Variants in GCKR observed in about 807,000 individuals in gnomAD.
The protein encoded by GCKR is glucokinase regulator.
A neutral mutation model predicts 82.9 loss-of-function variants in GCKR; 73 were observed. The ratio of observed to expected loss-of-function variants is 0.88; its 90% CI spans 0.73 to 1.07. The LOEUF is 1.07. GCKR is among the 50% of genes least tolerant of loss of function. The pLI, the probability that GCKR is intolerant of heterozygous loss-of-function variation, is 0.00. For missense variants in GCKR, 784 were observed against 782.1 expected (o/e 1.00, Z -0.03); for synonymous variants, 294 against 291.8 (o/e 1.01, Z -0.08).
At chr2:27,500,509 C>A (rs928820258) in intron 7 of GCKR, among the ~76,000 whole-genome samples, 2 of 152,188 alleles carry the variant, frequency 1.3e-5, no homozygotes, top group Non-Finnish European at 2.9e-5. Flanking sequence ...ATGCTATAGC[C>A]ATAGGGTTGA....
chr2:27,515,583 T>A (rs138534086), intron 16 of GCKR, among the ~76,000 whole-genome samples: 3 of 152,246 alleles, frequency 2.0e-5, no homozygotes, highest in African/African-American at 7.2e-5. Context: ...TTCTAACATC[T>A]AAATTGTAAA....
chr2:27,496,951 C>T lies in GCKR; in HGVS notation c.47C>T (p.Pro16Leu), dbSNP rs771176007. The T allele has an allele frequency of 6.2e-7, 1 of 1,613,422 alleles. No individual in the cohort carries two copies. Among genetic ancestry groups the T allele is most frequent in the East Asian group, 2.2e-5 (1 of 44,884 alleles). The change falls in exon 1 of 19, where the codon CCT becomes CTT. Residue 16 changes from proline (P) to leucine (L), a missense_variant. By Grantham distance (98) the Pro-to-Leu change is moderately conservative. Transcript: ENST00000264717. ...CAACATGTCATTGAGACCCCGGAGC[C>T]TGGCAAGTGGGAGGTGAGACCCCTT... The part of the protein sequence containing the change: ...RFQHVIETPE[P>L]GKWELSGYEA...
chr2:27,498,408 C>A, intron 4 of GCKR, 85 bp downstream of exon 4: 1 of 1,040,838 alleles, frequency 9.6e-7, no homozygotes, highest in Non-Finnish European at 1.5e-6. Flanking sequence ...AACTAAGCTC[C>A]CAGGTGGCCC....
intron 14 of GCKR, 53 bp downstream of exon 14, chr2:27,507,830 T>C: frequency 8.2e-7 from 1 of 1,214,336 alleles, no homozygotes; most frequent in Non-Finnish European, 1.2e-6. Flanking sequence ...ATAGAATGGT[T>C]CAGAGGAGCT....
chr2:27,522,231 C>T (rs1285247629), intron 17 of GCKR, among the ~76,000 whole-genome samples: 3 of 152,162 alleles, frequency 2.0e-5, no homozygotes, highest in Non-Finnish European at 1.5e-5. Context: ...CATTAATCCT[C>T]CAGTTTAACC....
chr2:27,521,474 G>A (rs1670153399), intron 17 of GCKR, among the ~76,000 whole-genome samples: 1 of 150,736 alleles, frequency 6.6e-6, no homozygotes, highest in African/African-American at 2.4e-5. Flanking sequence ...GGGATTACAG[G>A]CATGCGCCAC....
Position 27,508,236 on chromosome 2 carries a change from A to G in GCKR, c.1407A>G (p.Glu469=). ...GGCCACTGCTTTTCTTTGAATATGA[A>G]GGGAACTTCATCCAGGTATGGGGAA... is the stretch of plus-strand genomic sequence containing the variant. ...ITWPLLFFEY[E]GNFIQKFQRE... Residue 469 remains glutamate (E), a synonymous_variant, in exon 16 of 19, where the codon GAA becomes GAG. Coordinates refer to ENST00000264717, the MANE Select transcript of GCKR (RefSeq NM_001486.4). 1 of 1,603,448 alleles carries G rather than the reference A, an allele frequency of 6.2e-7. No individual in the cohort carries two copies. The highest frequency in any genetic ancestry group is 8.5e-7 in the Non-Finnish European group (1 of 1,170,274).
At chr2:27,520,459 G>A (rs1054728809) in intron 17 of GCKR, among the ~76,000 whole-genome samples, 7 of 152,174 alleles carry the variant, frequency 4.6e-5, no homozygotes, top group East Asian at 1.9e-4. Context: ...ACTTTAGAGC[G>A]CAGTGAGGGA....
At position 27,518,956 on chromosome 2, in the gene GCKR, A is replaced by C; in HGVS notation, c.1572+19A>C. The stretch of plus-strand genomic sequence containing the variant: ...GCTGCAGGTAGGGATATGATGGGGC[A>C]GGGTTGGGTGGGACCTGGCCTCAAT... On this transcript the variant is annotated intron_variant, in intron 17 of 18. Coordinates refer to ENST00000264717, the MANE Select transcript of GCKR (RefSeq NM_001486.4). 2 of 699,272 alleles carry C rather than the reference A, an allele frequency of 2.9e-6. No individual in the cohort carries two copies. The highest frequency in any genetic ancestry group is 3.8e-5 in the East Asian group (1 of 26,254). The allele number at this position is 699,272 out of a possible 1,614,324, so 43.3% of individuals were successfully genotyped here. A position where few individuals can be genotyped will look rare whatever the true frequency, so the allele number is the denominator to read the frequency against.
Position 27,496,958 on chromosome 2 carries a change from G to A in GCKR, c.54G>A (p.Lys18=), listed in dbSNP as rs779020862. ...QHVIETPEPG[K]WELSGYEAAV... ...TCATTGAGACCCCGGAGCCTGGCAA[G>A]TGGGAGGTGAGACCCCTTCTTCATG... The change falls in exon 1 of 19, where the codon AAG becomes AAA. Residue 18 remains lysine (K), a synonymous_variant. Coordinates refer to ENST00000264717, the MANE Select transcript of GCKR (RefSeq NM_001486.4). 1.2e-5 allele frequency: 19 copies of A among 1,612,560 alleles called. No homozygotes were observed. The highest frequency in any genetic ancestry group is 1.4e-5 in the Non-Finnish European group (17 of 1,178,628).
chr2:27,509,469 A>G, intron 16 of GCKR: 1 of 397,192 alleles, frequency 2.5e-6, no homozygotes, highest in Non-Finnish European at 5.3e-6. Context: ...CTTCTCAAGT[A>G]GGTAGGACCA....
At chr2:27,515,462 C>G (rs1356258968) in intron 16 of GCKR, among the ~76,000 whole-genome samples, 4 of 139,970 alleles carry the variant, frequency 2.9e-5, no homozygotes, top group Non-Finnish European at 4.7e-5. Context: ...ACCATGTTGG[C>G]CAGGGGTGTC....
At chr2:27,520,023 G>A (rs985312664) in intron 17 of GCKR, among the ~76,000 whole-genome samples, 9 of 151,654 alleles carry the variant, frequency 5.9e-5, no homozygotes, top group Admixed American at 4.0e-4. Flanking sequence ...AATACAGGAC[G>A]CCCAGTTAAA....
At chr2:27,499,860 C>A (rs1471977145) in intron 7 of GCKR, among the ~76,000 whole-genome samples, 1 of 151,950 alleles carries the variant, frequency 6.6e-6, no homozygotes, top group Non-Finnish European at 1.5e-5. Context: ...CAGGTTCAAG[C>A]GATTCTCCTG....
At chr2:27,521,801 C>T (rs1670160696) in intron 17 of GCKR, among the ~76,000 whole-genome samples, 2 of 152,078 alleles carry the variant, frequency 1.3e-5, no homozygotes, top group Admixed American at 6.6e-5. Context: ...CGGCTCACTA[C>T]AGCCTCAAAC....
intron 17 of GCKR, among the ~76,000 whole-genome samples, chr2:27,519,600 C>A (rs1238959442): frequency 6.6e-6 from 1 of 152,204 alleles, no homozygotes; most frequent in African/African-American, 2.4e-5. Flanking sequence ...CTGCACCCGG[C>A]CGTTGCTCTC....
intron 8 of GCKR, among the ~76,000 whole-genome samples, chr2:27,503,046 G>A (rs1669624866): frequency 6.6e-6 from 1 of 152,238 alleles, no homozygotes; most frequent in African/African-American, 2.4e-5. Context: ...TTCCCTCACT[G>A]TTATCCCTCC....
At chr2:27,513,522 C>T (rs146470402) in intron 16 of GCKR, among the ~76,000 whole-genome samples, 6,331 of 112,756 alleles carry the variant, frequency 0.056, 197 homozygotes, top group Non-Finnish European at 0.078. Context: ...AGCGAGACTC[C>T]GTCACAAAAA....
chr2:27,523,015 A>G (rs1317649348), intron 18 of GCKR, among the ~76,000 whole-genome samples: 1 of 151,302 alleles, frequency 6.6e-6, no homozygotes, highest in Non-Finnish European at 1.5e-5. Context: ...CTCTTGCTTC[A>G]GCCTCCCAAA....
Sources: gnomAD v4.1 joint callset for allele counts (sites outside exome capture counted in the v4.1 genomes callset) on GRCh38, gnomAD v4.1.1 for gene constraint, MANE v1.5 for transcripts, NCBI Gene and HGNC (gene_info 2026-07-23, HGNC 2026-07-21) for gene names.